AKR1C3: variants seen among roughly 807,000 people sequenced by gnomAD.
AKR1C3 encodes the protein aldo-keto reductase family 1 member C3, also known as 3-alpha hydroxysteroid dehydrogenase, type II.
A neutral mutation model predicts 43.6 loss-of-function variants in AKR1C3; 48 were observed. That is an observed-to-expected ratio of 1.10 (90% confidence interval 0.87 to 1.40). AKR1C3 has a LOEUF of 1.40. Among genes scored for constraint, AKR1C3 ranks in the 40% most tolerant of loss-of-function variants. The pLI, the probability that AKR1C3 is intolerant of heterozygous loss-of-function variation, is 0.00. For missense variants in AKR1C3, 482 were observed against 391.2 expected (o/e 1.23, Z -1.96); for synonymous variants, 162 against 139.6 (o/e 1.16, Z -1.13).
chr10:5,078,684 G>T (rs1398032858), intron 1 of AKR1C3, among the ~76,000 whole-genome samples: 1 of 152,190 alleles, frequency 6.6e-6, no homozygotes, highest in African/African-American at 2.4e-5. Context: ...TGGAGGACAT[G>T]CAAGTAATTT....
At chr10:5,062,428 C>T (rs1191779425) in intron 1 of AKR1C3, among the ~76,000 whole-genome samples, 1 of 152,134 alleles carries the variant, frequency 6.6e-6, no homozygotes. Context: ...GGTTGAGAAA[C>T]ACTCTAAAAA....
intron 1 of AKR1C3, among the ~76,000 whole-genome samples, chr10:5,083,385 T>C (rs1164654551): frequency 2.0e-5 from 3 of 152,304 alleles, no homozygotes; most frequent in East Asian, 3.9e-4. Flanking sequence ...GTTTCATCCA[T>C]GTCCCTAAAA....
chr10:5,074,863 T>C (rs376248391), intron 1 of AKR1C3, among the ~76,000 whole-genome samples: 1 of 152,204 alleles, frequency 6.6e-6, no homozygotes, highest in Non-Finnish European at 1.5e-5. Context: ...TTCCGATTGT[T>C]CACCTACCCC....
intron 5 of AKR1C3, chr10:5,099,662 C>A: frequency 1.2e-6 from 1 of 804,500 alleles, no homozygotes; most frequent in Non-Finnish European, 1.9e-6. Context: ...AATGCTGAAT[C>A]GTGTGTAATA....
chr10:5,062,832 C>G (rs1838407714), intron 1 of AKR1C3, among the ~76,000 whole-genome samples: 1 of 146,408 alleles, frequency 6.8e-6, no homozygotes, highest in African/African-American at 2.5e-5. Context: ...ACTTAGCCCT[C>G]TATTTCCACA....
At chr10:5,096,341 C>A (rs1839206226) in intron 1 of AKR1C3, 69 bp from the exon 2 acceptor site, 4 of 1,539,234 alleles carry the variant, frequency 2.6e-6, no homozygotes, top group Admixed American at 2.0e-5. Flanking sequence ...GTATAAAAGT[C>A]AATGCTTGTG....
intron 1 of AKR1C3, among the ~76,000 whole-genome samples, chr10:5,058,561 C>T (rs369247201): frequency 2.0e-3 from 298 of 152,222 alleles, no homozygotes; most frequent in African/African-American, 6.8e-3. Flanking sequence ...TGTTTTGTTT[C>T]TCCCCCTGCC....
intron 8 of AKR1C3, among the ~76,000 whole-genome samples, chr10:5,106,199 T>A (rs1243222571): frequency 4.6e-5 from 7 of 152,166 alleles, no homozygotes; most frequent in Non-Finnish European, 1.0e-4. Flanking sequence ...CTTGCATGTT[T>A]GTTCATGCCC....
intron 1 of AKR1C3, among the ~76,000 whole-genome samples, chr10:5,082,232 AC>A (rs1838852801): frequency 6.6e-6 from 1 of 152,256 alleles, no homozygotes; most frequent in South Asian, 2.1e-4. Context: ...TCATCAGCAA[AC>A]AAAAATAATC....
At chr10:5,095,229 A>G (rs1357410957) in intron 1 of AKR1C3, among the ~76,000 whole-genome samples, 2 of 152,092 alleles carry the variant, frequency 1.3e-5, no homozygotes, top group Non-Finnish European at 2.9e-5. Context: ...TCTAGATAGA[A>G]CTTGTATTCC....
At chr10:5,075,297 C>CT (rs1333433583) in intron 1 of AKR1C3, among the ~76,000 whole-genome samples, 1 of 151,930 alleles carries the variant, frequency 6.6e-6, no homozygotes, top group Non-Finnish European at 1.5e-5. Flanking sequence ...TCTAATCTGC[C>CT]TTTTGTTAGG....
rs782541944 is a variant in AKR1C3 at position 5,102,175 on chromosome 10, C to A, written c.645C>A (p.Ala215=). The change falls in exon 6 of 9, where the codon GCC becomes GCA. Residue 215 remains alanine, a synonymous_variant. Transcript: ENST00000380554. ...AGTCGAAAGATATTGTTCTGGTTGC[C>A]TATAGTGCTCTGGGATCTCAACGAG... ...FCKSKDIVLV[A]YSALGSQRDK... 1.9e-6 allele frequency: 3 copies of A among 1,613,942 alleles called. No homozygotes were observed. The Admixed American group carries it at 5.0e-5, about 27-fold the overall frequency.
At chr10:5,097,405 A>G in intron 2 of AKR1C3, 29 bp from the exon 3 acceptor site, 1 of 1,608,002 alleles carries the variant, frequency 6.2e-7, no homozygotes, top group Non-Finnish European at 8.5e-7. Flanking sequence ...CATTCATTCA[A>G]AATCACCTCC....
At chr10:5,062,854 TAA>T (rs57602420) in intron 1 of AKR1C3, among the ~76,000 whole-genome samples, 5,446 of 138,458 alleles carry the variant, frequency 0.039, 134 homozygotes, top group Middle Eastern at 0.06. Context: ...AACTCCTAGT[TAA>T]AAAAAAAAAA....
chr10:5,089,340 C>G (rs1839036666), intron 1 of AKR1C3, among the ~76,000 whole-genome samples: 1 of 151,000 alleles, frequency 6.6e-6, no homozygotes, highest in South Asian at 2.1e-4. Context: ...CTATGTTTTT[C>G]AAACTTCTTA....
intron 6 of AKR1C3, 26 bp downstream of exon 6, chr10:5,102,236 A>G (rs371546377): frequency 5.6e-6 from 9 of 1,599,830 alleles, no homozygotes; most frequent in Non-Finnish European, 7.7e-6. Flanking sequence ...GGACCTTTAC[A>G]TAAACCTTCA....
intron 7 of AKR1C3, among the ~76,000 whole-genome samples, chr10:5,103,949 TTA>T (rs2131850389): frequency 6.6e-6 from 1 of 152,084 alleles, no homozygotes; most frequent in African/African-American, 2.4e-5. Context: ...GATATATATA[TTA>T]TAGTTTAATA....
chr10:5,085,911 C>T (rs1242868391), intron 1 of AKR1C3, among the ~76,000 whole-genome samples: 16 of 151,934 alleles, frequency 1.1e-4, no homozygotes, highest in East Asian at 5.8e-4. Context: ...TCTGAGGGAT[C>T]GGTGGTGATA....
At position 5,098,814 on chromosome 10, in the gene AKR1C3, C is replaced by G. The variant is rs1208772849; in HGVS notation, c.382C>G (p.Leu128Val). The G allele has an allele frequency of 1.2e-6, 2 of 1,613,350 alleles. No individual in the cohort carries two copies. The highest frequency in any genetic ancestry group is 2.2e-5 in the East Asian group (1 of 44,812). ...SPMSLKPGEE[L>V]SPTDENGKVI... is the part of the protein sequence containing the mutation. ...GCTTCTATTTCAGCCAGGTGAGGAA[C>G]TTTCACCAACAGATGAAAATGGAAA... is the stretch of plus-strand genomic sequence containing the variant. Residue 128 changes from leucine (L) to valine (V), a missense_variant, in exon 4 of 9, where the codon CTT becomes GTT. Leu to Val is a conservative substitution (Grantham distance 32). Transcript: ENST00000380554.
Sources: allele counts gnomAD v4.1 joint callset (sites outside exome capture counted in the v4.1 genomes callset), GRCh38; gene constraint gnomAD v4.1.1; transcripts MANE v1.5; gene names NCBI Gene and HGNC (gene_info 2026-07-23, HGNC 2026-07-21).